EXT2: variants seen among roughly 807,000 people sequenced by gnomAD.
The protein encoded by EXT2 is exostosin glycosyltransferase 2.
In EXT2, 53 loss-of-function variants were observed where a neutral mutation model predicts 81.6. The observed-to-expected ratio is 0.65, with a 90% CI of 0.52 to 0.82. The LOEUF is 0.82. Ranked by LOEUF, EXT2 falls within the 40% of genes least tolerant of loss-of-function variation. EXT2 has a pLI of 0.00. For missense variants in EXT2, 774 were observed against 910.2 expected (o/e 0.85, Z 1.93); for synonymous variants, 320 against 340.0 (o/e 0.94, Z 0.65).
chr11:44,121,175 A>G (rs912393341), intron 4 of EXT2, among the ~76,000 whole-genome samples: 2 of 152,196 alleles, frequency 1.3e-5, no homozygotes, highest in Non-Finnish European at 2.9e-5. Context: ...GAAGAGTAGT[A>G]AGGTAGCCTG....
At chr11:44,219,345 T>A (rs1955756929) in intron 10 of EXT2, among the ~76,000 whole-genome samples, 1 of 149,608 alleles carries the variant, frequency 6.7e-6, no homozygotes, top group African/African-American at 2.5e-5. Flanking sequence ...CTACTAAAAA[T>A]TAAATTAAAA....
Position 44,250,523 on chromosome 11 carries a change from C to T in EXT2, c.*6236C>T, listed in dbSNP as rs1002106. On this transcript the variant is annotated 3_prime_UTR_variant, in exon 14 of 14. Coordinates refer to ENST00000533608, the MANE Select transcript of EXT2 (RefSeq NM_207122.2). Reference sequence around the variant, plus strand: ...TCTTCCGGCCCCTATTTCTGCTTACCGTGTTACCAGAGAGCCTGGGGGTCT... The same window carrying T: ...TCTTCCGGCCCCTATTTCTGCTTACTGTGTTACCAGAGAGCCTGGGGGTCT... Among the ~76,000 whole-genome samples, 36,983 of 152,198 alleles carry T rather than the reference C, an allele frequency of 0.24. 5,566 individuals carry two copies. Among genetic ancestry groups the T allele is most frequent in the Admixed American group, 0.41 (6,324 of 15,292 alleles).
intron 8 of EXT2, among the ~76,000 whole-genome samples, chr11:44,174,054 C>T (rs568468580): frequency 6.6e-6 from 1 of 152,224 alleles, no homozygotes; most frequent in Non-Finnish European, 1.5e-5. Flanking sequence ...TCACAAATAA[C>T]ATTTGGGTGT....
intron 10 of EXT2, among the ~76,000 whole-genome samples, chr11:44,226,339 A>G (rs112010673): frequency 2.0e-5 from 3 of 152,330 alleles, no homozygotes; most frequent in African/African-American, 7.2e-5. Flanking sequence ...ATCTTAATCC[A>G]TAATGCAGTT....
chr11:44,119,169 T>TATCTACAC (rs1192115471), intron 4 of EXT2, among the ~76,000 whole-genome samples: 1 of 63,130 alleles, frequency 1.6e-5, no homozygotes, highest in African/African-American at 5.9e-5. Flanking sequence ...TATATATATA[T>TATCTACAC]ACACATACAC....
In EXT2 at chr11:44,247,306, A is replaced by G. The variant is rs1306774061; in HGVS notation, c.*3019A>G. Among the ~76,000 whole-genome samples the G allele has an allele frequency of 8.0e-6, 1 of 125,014 alleles. No homozygotes were observed. The highest frequency in any genetic ancestry group is 1.6e-5 in the Non-Finnish European group (1 of 62,238). 82.0% of individuals were successfully genotyped at this position (125,014 alleles called of 152,430 possible). ...TTGTCACCCAGGCTGGAGTGCAACA[A>G]TAGCATGGTCTCGGCTCACTACATC... On this transcript the variant is annotated 3_prime_UTR_variant, in exon 14 of 14. Transcript: ENST00000533608.
At chr11:44,173,189 G>A (rs755179215) in intron 8 of EXT2, among the ~76,000 whole-genome samples, 29 of 152,130 alleles carry the variant, frequency 1.9e-4, no homozygotes, top group Non-Finnish European at 3.4e-4. Flanking sequence ...CTCCTCACTG[G>A]GACACCTCCT....
chr11:44,212,611 A>G (rs1422452609), intron 10 of EXT2, among the ~76,000 whole-genome samples: 2 of 152,212 alleles, frequency 1.3e-5, no homozygotes, highest in Non-Finnish European at 1.5e-5. Flanking sequence ...TATATGACCC[A>G]GCTTCCAAAA....
chr11:44,212,130 A>G (rs1419603974), intron 10 of EXT2, among the ~76,000 whole-genome samples: 3 of 151,730 alleles, frequency 2.0e-5, no homozygotes, highest in Non-Finnish European at 2.9e-5. Flanking sequence ...CTAAAAATAC[A>G]AAAAATTAGC....
chr11:44,109,250 A>C lies in EXT2; in HGVS notation c.593A>C (p.Asp198Ala), dbSNP rs773958136. 1 of 1,614,026 alleles carries C rather than the reference A, an allele frequency of 6.2e-7. No individual in the cohort carries two copies. The highest frequency in any genetic ancestry group is 1.3e-5 in the African/African-American group (1 of 74,926). The change falls in exon 3 of 14, where the codon GAT becomes GCT. Residue 198 changes from aspartate to alanine, a missense_variant. Asp to Ala is a moderately radical substitution (Grantham distance 126). Around this residue, in one of 2 missense-constraint regions of EXT2, gnomAD observed 626 missense variants for 670.5 expected, o/e 0.93. Transcript: ENST00000533608. ...LFNMLPGGPPDYNTALDVPRD... is the reference protein window; with the variant it reads ...LFNMLPGGPPAYNTALDVPRD... ...AACATGTTGCCTGGAGGTCCCCCAG[A>C]TTATAACACAGCCCTGGATGTCCCC...
At position 44,234,263 on chromosome 11, in the gene EXT2, A is replaced by G. The variant is rs573745641; in HGVS notation, c.1935+20A>G. ...ATCAAGGTAGGAGGCTCTGCCACTC[A>G]CTTGCTTTGTGATCTTGGGCAAATA... On this transcript the variant is annotated intron_variant, in intron 12 of 13. Transcript: ENST00000533608. The G allele has an allele frequency of 1.2e-6, 2 of 1,612,314 alleles. No homozygotes were observed. Among genetic ancestry groups the G allele is most frequent in the South Asian group, 1.1e-5 (1 of 90,824 alleles).
At chr11:44,227,504 G>T (rs1288484318) in intron 10 of EXT2, among the ~76,000 whole-genome samples, 1 of 152,200 alleles carries the variant, frequency 6.6e-6, no homozygotes, top group African/African-American at 2.4e-5. Context: ...GAATAGGTCA[G>T]TTGCACAATG....
intron 10 of EXT2, among the ~76,000 whole-genome samples, chr11:44,212,579 G>A (rs920619643): frequency 1.3e-5 from 2 of 152,190 alleles, no homozygotes; most frequent in Admixed American, 6.5e-5. Context: ...TTAGAAAACA[G>A]TTCGGCATAT....
chr11:44,173,893 AG>A (rs1955117025), intron 8 of EXT2, among the ~76,000 whole-genome samples: 1 of 152,082 alleles, frequency 6.6e-6, no homozygotes, highest in Admixed American at 6.6e-5. Context: ...AACAGTAACA[AG>A]GGGCATACTT....
chr11:44,144,100 C>T (rs369226608), intron 7 of EXT2: 280 of 687,936 alleles, frequency 4.1e-4, no homozygotes, highest in Middle Eastern at 2.0e-3. Context: ...AACAAACTTA[C>T]GCTTTCTTTC....
chr11:44,246,519 A>G lies in EXT2; in HGVS notation c.*2232A>G, dbSNP rs77475390. Among the ~76,000 whole-genome samples the G allele has an allele frequency of 4.9e-3, 749 of 152,170 alleles. 6 individuals carry two copies. The highest frequency in any genetic ancestry group is 0.017 in the African/African-American group (724 of 41,504). ...GTCATTGGACTTTAAAGGCATTACA[A>G]CTCCATTTAAAGTACCTCATTACTC... On this transcript the variant is annotated 3_prime_UTR_variant, in exon 14 of 14. Transcript: ENST00000533608.
intron 4 of EXT2, among the ~76,000 whole-genome samples, chr11:44,120,326 G>A (rs1231032076): frequency 2.6e-5 from 4 of 152,100 alleles, no homozygotes; most frequent in African/African-American, 7.2e-5. Flanking sequence ...TTATCTTCAG[G>A]GTAGCACCGA....
At chr11:44,152,507 C>A (rs1374432011) in intron 7 of EXT2, among the ~76,000 whole-genome samples, 1 of 152,112 alleles carries the variant, frequency 6.6e-6, no homozygotes, top group African/African-American at 2.4e-5. Context: ...CACACCACCA[C>A]ACCCGGCTAA....
Position 44,131,673 on chromosome 11 carries a change from G to A in EXT2, c.1173+1535G>A, listed in dbSNP as rs552191936. Among the ~76,000 whole-genome samples, 7 of 152,264 alleles carry A rather than the reference G, an allele frequency of 4.6e-5. No individual in the cohort carries two copies. The East Asian group carries it at 1.4e-3, about 29-fold the overall frequency. ...ATCTCTAGATTTTTTATCTAAACCT[G>A]TGGTTCCTAAAACTTGTGTAGAAGA... On this transcript the variant is annotated intron_variant, in intron 7 of 13. Coordinates refer to ENST00000533608, the MANE Select transcript of EXT2 (RefSeq NM_207122.2).
Sources: allele counts gnomAD v4.1 joint callset (sites outside exome capture counted in the v4.1 genomes callset), GRCh38; gene constraint gnomAD v4.1.1; regional missense constraint gnomAD v4.1.1; transcripts MANE v1.5; gene names NCBI Gene and HGNC (gene_info 2026-07-23, HGNC 2026-07-21).